Variants in STPG2 observed in about 807,000 individuals in gnomAD.
The protein encoded by STPG2 is sperm-tail PG-rich repeat-containing protein 2.
A neutral mutation model predicts 54.2 loss-of-function variants in STPG2; 56 were observed. The ratio of observed to expected loss-of-function variants is 1.03; its 90% CI spans 0.83 to 1.29. The LOEUF (loss-of-function observed/expected upper bound fraction) is 1.29, where lower values mean the gene tolerates loss of function less well. Among genes scored for constraint, STPG2 ranks in the 50% most tolerant of loss-of-function variants. The pLI is 0.00. For missense variants in STPG2, 596 were observed against 544.9 expected (o/e 1.09, Z -0.93); for synonymous variants, 200 against 181.8 (o/e 1.10, Z -0.81).
chr4:97,818,270 A>G (rs1188714059), intron 9 of STPG2, among the ~76,000 whole-genome samples: 1 of 151,968 alleles, frequency 6.6e-6, no homozygotes, highest in Non-Finnish European at 1.5e-5. Context: ...CAAGAACTCC[A>G]GTGTATGCCT....
At chr4:97,444,771 T>C (rs1324612332) in intron 4 of STPG2, among the ~76,000 whole-genome samples, 1 of 152,168 alleles carries the variant, frequency 6.6e-6, no homozygotes, top group Non-Finnish European at 1.5e-5. Context: ...GGCTCACACC[T>C]GTAATCCCAG....
Position 97,686,646 on chromosome 4 carries a change from C to T in STPG2, c.1320+26053G>A, listed in dbSNP as rs556781172. 2.7e-3 allele frequency among the ~76,000 whole-genome samples: 415 copies of T among 152,120 alleles called. 3 individuals are homozygous for T. The highest frequency in any genetic ancestry group is 9.2e-3 in the African/African-American group (380 of 41,492). On this transcript the variant is annotated intron_variant, in intron 10 of 10. Transcript: ENST00000295268. The stretch of plus-strand genomic sequence containing the variant: ...CAATCTTTGAAACGTGACTCCTCCC[C>T]TTTAAATTCTGACAATGTTAAAATT...
intron 5 of STPG2, among the ~76,000 whole-genome samples, chr4:98,000,382 T>G (rs1735377176): frequency 6.6e-6 from 1 of 152,170 alleles, no homozygotes. Context: ...GACACTATCT[T>G]CTTAACAAAA....
At chr4:97,575,667 A>G (rs1732704982) in intron 10 of STPG2, among the ~76,000 whole-genome samples, 1 of 152,118 alleles carries the variant, frequency 6.6e-6, no homozygotes, top group South Asian at 2.1e-4. Flanking sequence ...CATAGTAAAC[A>G]TGCAAAAGCT....
chr4:97,862,355 T>C lies in STPG2; in HGVS notation c.1045-21423A>G, dbSNP rs371641799. Among the ~76,000 whole-genome samples the C allele has an allele frequency of 3.9e-4, 60 of 152,158 alleles. No individual in the cohort carries two copies. The South Asian group carries it at 0.012, about 30-fold the overall frequency. Reference sequence around the variant, plus strand: ...AGATCAAAAGAGACAAAGAAGGCCATTACATAATGGTAAACGGATCAATTC... The same window carrying C: ...AGATCAAAAGAGACAAAGAAGGCCACTACATAATGGTAAACGGATCAATTC... On this transcript the variant is annotated intron_variant, in intron 8 of 10. Transcript: ENST00000295268.
chr4:97,757,400 C>T (rs1344242575), intron 9 of STPG2, among the ~76,000 whole-genome samples: 6 of 152,246 alleles, frequency 3.9e-5, no homozygotes, highest in East Asian at 1.9e-4. Flanking sequence ...CTGTGATTAA[C>T]AATTAGGTGA....
intron 10 of STPG2, among the ~76,000 whole-genome samples, chr4:97,662,840 G>C (rs1252786355): frequency 6.6e-6 from 1 of 152,024 alleles, no homozygotes; most frequent in Non-Finnish European, 1.5e-5. Context: ...TGGGTATTAT[G>C]CTTACTACCT....
At chr4:98,083,864 T>G (rs1001750956) in intron 5 of STPG2, among the ~76,000 whole-genome samples, 5 of 152,218 alleles carry the variant, frequency 3.3e-5, no homozygotes, top group African/African-American at 1.2e-4. Context: ...TTTTCTTTTT[T>G]GTTTTTAACA....
intron 8 of STPG2, chr4:97,916,280 G>T (rs1257028413): frequency 6.6e-6 from 1 of 152,576 alleles, no homozygotes; most frequent in African/African-American, 2.4e-5. Context: ...ACACAGAAGG[G>T]AAATCAGGTT....
At chr4:97,968,578 C>G (rs1172740458) in intron 7 of STPG2, among the ~76,000 whole-genome samples, 1 of 152,100 alleles carries the variant, frequency 6.6e-6, no homozygotes, top group Admixed American at 6.6e-5. Context: ...TATCAAAAAG[C>G]TTATCCACCA....
intron 7 of STPG2, among the ~76,000 whole-genome samples, chr4:97,968,755 C>A (rs1734209285): frequency 6.6e-6 from 1 of 152,022 alleles, no homozygotes; most frequent in Admixed American, 6.6e-5. Flanking sequence ...TGTAGGGAGA[C>A]CCCCTGAAAC....
chr4:97,635,189 C>G (rs1168729249), intron 10 of STPG2, among the ~76,000 whole-genome samples: 1 of 152,116 alleles, frequency 6.6e-6, no homozygotes, highest in Non-Finnish European at 1.5e-5. Flanking sequence ...CAATATTCAA[C>G]ATTCTTAAAG....
downstream of STPG2, among the ~76,000 whole-genome samples, chr4:97,558,097 A>C (rs1208612872): frequency 6.6e-6 from 1 of 152,214 alleles, no homozygotes; most frequent in African/African-American, 2.4e-5. Context: ...TGTGCCTAAT[A>C]CATCCATATA....
At position 97,637,598 on chromosome 4, in the gene STPG2, C is replaced by T. The variant is rs536480362; in HGVS notation, c.1320+75101G>A. On this transcript the variant is annotated intron_variant, in intron 10 of 10. Coordinates refer to ENST00000295268, the MANE Select transcript of STPG2 (RefSeq NM_174952.3). The stretch of plus-strand genomic sequence containing the variant: ...TGATTGTATATCTAGAAAACTCCAT[C>T]GTCTCAGCCCAAAATCTCCTTAAGC... 2.1e-4 allele frequency among the ~76,000 whole-genome samples: 32 copies of T among 152,234 alleles called. 1 individual carries two copies. The South Asian group carries it at 4.8e-3, about 23-fold the overall frequency.
At chr4:98,001,091 G>C (rs1329754709) in intron 5 of STPG2, among the ~76,000 whole-genome samples, 1 of 152,108 alleles carries the variant, frequency 6.6e-6, no homozygotes, top group Non-Finnish European at 1.5e-5. Flanking sequence ...GTAACAATTT[G>C]TGTCACCACT....
At chr4:97,536,201 T>C (rs11936910) in intron 4 of STPG2, among the ~76,000 whole-genome samples, 2,293 of 152,318 alleles carry the variant, frequency 0.015, 54 homozygotes, top group African/African-American at 0.051. Context: ...TGCAGTGTCA[T>C]TGCACTTAAC....
chr4:97,451,801 A>G (rs1192663473), intron 4 of STPG2, among the ~76,000 whole-genome samples: 1 of 152,198 alleles, frequency 6.6e-6, no homozygotes, highest in Non-Finnish European at 1.5e-5. Context: ...ACTGCCATCA[A>G]TAATTCTTCC....
At chr4:97,603,153 A>T (rs2148908380) in intron 10 of STPG2, among the ~76,000 whole-genome samples, 1 of 151,920 alleles carries the variant, frequency 6.6e-6, no homozygotes, top group Admixed American at 6.6e-5. Context: ...AAACAGGCAA[A>T]AAACTTAAAT....
intron 9 of STPG2, among the ~76,000 whole-genome samples, chr4:97,835,791 C>A (rs1728614454): frequency 6.6e-6 from 1 of 151,974 alleles, no homozygotes; most frequent in Admixed American, 6.6e-5. Context: ...AAAAGATGAA[C>A]ACAAACAGAA....
Sources: allele counts gnomAD v4.1 joint callset (sites outside exome capture counted in the v4.1 genomes callset), GRCh38; gene constraint gnomAD v4.1.1; transcripts MANE v1.5; gene names NCBI Gene and HGNC (gene_info 2026-07-23, HGNC 2026-07-21).